Variants in NECAB1 observed in about 807,000 individuals in gnomAD.
NECAB1 encodes the protein N-terminal EF-hand calcium-binding protein 1.
A neutral mutation model predicts 57.5 loss-of-function variants in NECAB1; 29 were observed. The observed-to-expected ratio is 0.50, with a 90% confidence interval of 0.38 to 0.69. The LOEUF (loss-of-function observed/expected upper bound fraction) is 0.69. Among genes scored for constraint, NECAB1 ranks in the 30% least tolerant of loss-of-function variants. The pLI is 0.00. For synonymous variants in NECAB1, 142 were observed against 147.7 expected, an observed-to-expected ratio of 0.96 and a Z score of 0.28; for missense variants, 372 against 413.8, an observed-to-expected ratio of 0.90 and a Z score of 0.88.
intron 5 of NECAB1, among the ~76,000 whole-genome samples, chr8:90,884,618 G>A (rs747996110): frequency 3.3e-5 from 5 of 152,152 alleles, no homozygotes; most frequent in African/African-American, 4.8e-5. Context: ...ATTCATGATA[G>A]TTTCATTGCA....
chr8:90,824,259 A>G (rs569130276), intron 2 of NECAB1, among the ~76,000 whole-genome samples: 1 of 151,986 alleles, frequency 6.6e-6, no homozygotes, highest in East Asian at 1.9e-4. Flanking sequence ...ATAGGAATGG[A>G]CATAGTTTGT....
chr8:90,922,965 C>T (rs759469796), intron 6 of NECAB1, among the ~76,000 whole-genome samples: 8 of 151,964 alleles, frequency 5.3e-5, no homozygotes, highest in Non-Finnish European at 1.0e-4. Flanking sequence ...GAAGAAGAGC[C>T]AAAGGGACAG....
chr8:90,886,523 T>A (rs1220212020), intron 5 of NECAB1, among the ~76,000 whole-genome samples: 1 of 152,046 alleles, frequency 6.6e-6, no homozygotes, highest in Non-Finnish European at 1.5e-5. Context: ...GTTCTCTCTC[T>A]CTCTTTTGTT....
chr8:90,912,196 A>G (rs1190410178), intron 5 of NECAB1, among the ~76,000 whole-genome samples: 12 of 152,116 alleles, frequency 7.9e-5, no homozygotes, highest in Admixed American at 7.2e-4. Flanking sequence ...AAAATTCCTA[A>G]TGTTTGAAGA....
chr8:90,943,453 A>ACATAACAAC (rs1245644280), intron 10 of NECAB1, among the ~76,000 whole-genome samples: 2 of 152,232 alleles, frequency 1.3e-5, no homozygotes, highest in Admixed American at 1.3e-4. Flanking sequence ...TATGGAATAT[A>ACATAACAAC]TATGGTATAG....
chr8:90,874,432 A>T (rs1403084186), intron 4 of NECAB1, among the ~76,000 whole-genome samples: 2 of 152,254 alleles, frequency 1.3e-5, no homozygotes, highest in African/African-American at 4.8e-5. Context: ...TACTATTTTT[A>T]AAATTTAACA....
chr8:90,955,933 T>C lies in NECAB1; in HGVS notation c.*421T>C, dbSNP rs1811023466. The C allele has an allele frequency of 6.5e-6, 1 of 153,898 alleles. No homozygotes were observed. Among genetic ancestry groups the C allele is most frequent in the African/African-American group, 2.4e-5 (1 of 41,528 alleles). The allele number at this position is 153,898 out of a possible 1,614,324, so 9.5% of individuals were successfully genotyped here. A position where few individuals can be genotyped will look rare whatever the true frequency, so the allele number is the denominator to read the frequency against. ...TATACTGTAAAGGGTTAAATCAGCG[T>C]TTTGTGATTTTTAAGTAACTGTGAG... On this transcript the variant is annotated 3_prime_UTR_variant, in exon 13 of 13. Coordinates refer to ENST00000417640, the MANE Select transcript of NECAB1 (RefSeq NM_022351.5).
chr8:90,914,504 CAAA>C (rs1373011553), intron 5 of NECAB1, among the ~76,000 whole-genome samples: 3 of 152,038 alleles, frequency 2.0e-5, no homozygotes, highest in Non-Finnish European at 2.9e-5. Context: ...ATAATTGACT[CAAA>C]AAATTTAATC....
intron 1 of NECAB1, among the ~76,000 whole-genome samples, chr8:90,800,416 G>A (rs2130642765): frequency 6.6e-6 from 1 of 152,238 alleles, no homozygotes; most frequent in East Asian, 1.9e-4. Flanking sequence ...TCAAGGAGAT[G>A]CTTCCAGCTT....
chr8:90,904,762 T>C (rs1057154679), intron 5 of NECAB1, among the ~76,000 whole-genome samples: 1 of 152,040 alleles, frequency 6.6e-6, no homozygotes, highest in African/African-American at 2.4e-5. Flanking sequence ...AGAAACCTAA[T>C]TTATGATGGA....
chr8:90,935,429 G>A (rs1810512815), intron 9 of NECAB1, among the ~76,000 whole-genome samples: 1 of 152,058 alleles, frequency 6.6e-6, no homozygotes, highest in African/African-American at 2.4e-5. Context: ...CCAGAGACAG[G>A]GATGTAGTCT....
chr8:90,802,054 C>A (rs1174210927), intron 2 of NECAB1, among the ~76,000 whole-genome samples: 1 of 152,194 alleles, frequency 6.6e-6, no homozygotes, highest in African/African-American at 2.4e-5. Context: ...GGGCCAAGTG[C>A]TTTGTGCATA....
intron 5 of NECAB1, among the ~76,000 whole-genome samples, chr8:90,892,167 C>T (rs1388610645): frequency 6.6e-6 from 1 of 152,132 alleles, no homozygotes; most frequent in Non-Finnish European, 1.5e-5. Context: ...CATAGCTTAT[C>T]ACTCTCTTCC....
At position 90,925,650 on chromosome 8, in the gene NECAB1, G is replaced by A. The variant is rs778432411; in HGVS notation, c.610G>A (p.Gly204Ser). 50 of 1,613,592 alleles carry A rather than the reference G, an allele frequency of 3.1e-5. No individual in the cohort carries two copies. The highest frequency in any genetic ancestry group is 4.1e-5 in the Non-Finnish European group (48 of 1,179,788). ...SPNSPQFNVS[G>S]PGLLEEDNQW... The stretch of plus-strand genomic sequence containing the variant: ...AAACAGCCCTCAGTTTAATGTCAGC[G>A]GTCCAGGTAACATACCCTTCATTTG... Residue 204 changes from glycine to serine, a missense_variant, in exon 7 of 13, where the codon GGT becomes AGT. Physicochemically the swap from Gly to Ser is moderately conservative, Grantham distance 56. Coordinates refer to ENST00000417640, the MANE Select transcript of NECAB1 (RefSeq NM_022351.5).
chr8:90,797,551 T>C (rs758924883), intron 1 of NECAB1, among the ~76,000 whole-genome samples: 22 of 152,282 alleles, frequency 1.4e-4, no homozygotes, highest in Non-Finnish European at 2.8e-4. Flanking sequence ...GTTATTTAAC[T>C]ATAACTACAA....
chr8:90,955,582 A>G lies in NECAB1; in HGVS notation c.*70A>G, dbSNP rs554924879. On this transcript the variant is annotated 3_prime_UTR_variant, in exon 13 of 13. Coordinates refer to ENST00000417640, the MANE Select transcript of NECAB1 (RefSeq NM_022351.5). Reference sequence around the variant, plus strand: ...GTTCTTATCTAAAACGTCAATTAGAAAATTATCTGCGGTTGTTAATCTACT... The same window carrying G: ...GTTCTTATCTAAAACGTCAATTAGAGAATTATCTGCGGTTGTTAATCTACT... The G allele has an allele frequency of 9.3e-5, 110 of 1,186,066 alleles. No individual in the cohort carries two copies. In the African/African-American group the frequency reaches 1.1e-3, roughly 12 times the overall value. The allele number at this position is 1,186,066 out of a possible 1,614,324, so 73.5% of individuals were successfully genotyped here.
chr8:90,793,691 A>G (rs976304394), intron 1 of NECAB1, among the ~76,000 whole-genome samples: 1 of 152,198 alleles, frequency 6.6e-6, no homozygotes, highest in African/African-American at 2.4e-5. Flanking sequence ...AAAGGGGACA[A>G]GTGGGGCCTC....
At chr8:90,817,039 G>A (rs1310605432) in intron 2 of NECAB1, among the ~76,000 whole-genome samples, 1 of 147,620 alleles carries the variant, frequency 6.8e-6, no homozygotes, top group Non-Finnish European at 1.5e-5. Context: ...AATTTTGTTG[G>A]ATCTACACCA....
intron 5 of NECAB1, among the ~76,000 whole-genome samples, chr8:90,914,800 A>G (rs1033403071): frequency 6.6e-6 from 1 of 152,228 alleles, no homozygotes. Context: ...TAAGATCACA[A>G]TAGCAAATGC....
Sources: allele counts gnomAD v4.1 joint callset (sites outside exome capture counted in the v4.1 genomes callset), GRCh38; gene constraint gnomAD v4.1.1; transcripts MANE v1.5; gene names NCBI Gene and HGNC (gene_info 2026-07-23, HGNC 2026-07-21).